The following KLHL6 variants were observed in gnomAD, a reference collection of about 807,000 sequenced individuals.
The protein encoded by KLHL6 is kelch like family member 6, also known as kelch-like protein 6.
A neutral mutation model predicts 58.6 loss-of-function variants in KLHL6; 41 were observed. That is an observed-to-expected ratio of 0.70 (90% CI 0.55 to 0.91). The LOEUF (loss-of-function observed/expected upper bound fraction) is 0.91. Among genes scored for constraint, KLHL6 ranks in the 40% least tolerant of loss-of-function variants. The pLI is 0.00. For synonymous variants in KLHL6, 338 were observed against 322.7 expected (o/e 1.05, Z -0.51); for missense variants, 714 against 805.6 (o/e 0.89, Z 1.38).
At chr3:183,497,958 G>A (rs775766203) in intron 4 of KLHL6, among the ~76,000 whole-genome samples, 35 of 152,240 alleles carry the variant, frequency 2.3e-4, no homozygotes, top group Non-Finnish European at 4.6e-4. Flanking sequence ...AATTAAGGCC[G>A]GGCGCAGTGG....
intron 2 of KLHL6, among the ~76,000 whole-genome samples, chr3:183,509,735 C>T (rs1718124303): frequency 6.6e-6 from 1 of 152,120 alleles, no homozygotes; most frequent in African/African-American, 2.4e-5. Flanking sequence ...ATGCTATATC[C>T]ATTTACACAA....
intron 2 of KLHL6, among the ~76,000 whole-genome samples, chr3:183,513,240 A>G (rs140183358): frequency 7.7e-4 from 118 of 152,360 alleles, no homozygotes; most frequent in African/African-American, 2.6e-3. Context: ...GAGTTACTCA[A>G]TCCTCACCAC....
intron 1 of KLHL6, among the ~76,000 whole-genome samples, chr3:183,529,172 A>G (rs1712077045): frequency 6.6e-6 from 1 of 152,214 alleles, no homozygotes; most frequent in Non-Finnish European, 1.5e-5. Context: ...GAAGAGGGAG[A>G]GGATCAGGAA....
intron 2 of KLHL6, among the ~76,000 whole-genome samples, chr3:183,513,092 A>G (rs1718234761): frequency 6.6e-6 from 1 of 152,212 alleles, no homozygotes; most frequent in Non-Finnish European, 1.5e-5. Flanking sequence ...TACTATACTG[A>G]GCATGAACAT....
At chr3:183,515,954 G>C (rs955757480) in intron 2 of KLHL6, among the ~76,000 whole-genome samples, 4 of 152,152 alleles carry the variant, frequency 2.6e-5, no homozygotes, top group Admixed American at 2.0e-4. Flanking sequence ...TATTTAACAG[G>C]TAAAAAAGGG....
intron 3 of KLHL6, among the ~76,000 whole-genome samples, chr3:183,501,188 G>A (rs1405827602): frequency 1.3e-5 from 2 of 152,330 alleles, no homozygotes; most frequent in East Asian, 3.9e-4. Context: ...ACAGTGCCGG[G>A]ATAAGGGTGA....
intron 1 of KLHL6, among the ~76,000 whole-genome samples, chr3:183,546,351 A>G (rs1429896625): frequency 2.6e-5 from 4 of 152,230 alleles, no homozygotes; most frequent in African/African-American, 9.6e-5. Context: ...AGCCGTTGAT[A>G]TCAACAAGCC....
rs1717795240 is a variant in KLHL6, at chr3:183,499,118, C to T, written c.1147+472G>A. Among the ~76,000 whole-genome samples the T allele has an allele frequency of 6.6e-6, 1 of 152,130 alleles. No homozygotes were observed. Among genetic ancestry groups the T allele is most frequent in the Non-Finnish European group, 1.5e-5 (1 of 68,022 alleles). The stretch of plus-strand genomic sequence containing the variant: ...GCACTTTGGGAGGCCGAAGCTGGTG[C>T]ATCACCTATGGTCAGGAGTTCAAGA... On this transcript the variant is annotated intron_variant, in intron 4 of 6. Coordinates refer to ENST00000341319, the MANE Select transcript of KLHL6 (RefSeq NM_130446.4). This position sits in a 1 kb window ranked among gnomAD's most constrained non-coding sequence, Gnocchi z 4.6.
In KLHL6 at chr3:183,535,209, C is replaced by T. The variant is rs555427854; in HGVS notation, c.294-7199G>A. 2.5e-4 allele frequency among the ~76,000 whole-genome samples: 38 copies of T among 152,294 alleles called. No individual in the cohort carries two copies. The South Asian group carries it at 4.1e-3, about 17-fold the overall frequency. ...CTGCCCGCCTCAGCCTCCCAAAGTG[C>T]TGGGATTACAGGCGTGAGCCAACGT... On this transcript the variant is annotated intron_variant, in intron 1 of 6. Transcript: ENST00000341319.
chr3:183,519,040 C>CG (rs1238486408), intron 2 of KLHL6, among the ~76,000 whole-genome samples: 2 of 152,166 alleles, frequency 1.3e-5, no homozygotes, highest in Non-Finnish European at 2.9e-5. Context: ...GTGCCTTGAT[C>CG]GCCGAGCTGA....
chr3:183,526,600 T>C (rs891520951), intron 2 of KLHL6, among the ~76,000 whole-genome samples: 2 of 152,178 alleles, frequency 1.3e-5, no homozygotes, highest in Non-Finnish European at 2.9e-5. Context: ...AAAAGATATT[T>C]AGGATTTTTT....
At position 183,499,196 on chromosome 3, in the gene KLHL6, G is replaced by A. The variant is rs147090536; in HGVS notation, c.1147+394C>T. Among the ~76,000 whole-genome samples the A allele has an allele frequency of 0.012, 1,797 of 152,154 alleles. 33 individuals carry two copies. Among genetic ancestry groups the A allele is most frequent in the African/African-American group, 0.041 (1,711 of 41,524 alleles). ...GTCTCTACTAAAAGTACAAAAATTA[G>A]CTGGGCATGGTGGCAGGCACCTGAT... On this transcript the variant is annotated intron_variant, in intron 4 of 6. Transcript: ENST00000341319. This position sits in a 1 kb window ranked among gnomAD's most constrained non-coding sequence, Gnocchi z 4.6.
chr3:183,532,303 A>C (rs1712188692), intron 1 of KLHL6, among the ~76,000 whole-genome samples: 1 of 152,210 alleles, frequency 6.6e-6, no homozygotes, highest in South Asian at 2.1e-4. Context: ...CCAGGAAGGG[A>C]GCCCTCACCA....
At chr3:183,535,848 T>C (rs1313090524) in intron 1 of KLHL6, among the ~76,000 whole-genome samples, 1 of 152,194 alleles carries the variant, frequency 6.6e-6, no homozygotes, top group Admixed American at 6.5e-5. Flanking sequence ...CAATCTCTGC[T>C]CACTGCAAGC....
At chr3:183,494,017 CT>C in intron 5 of KLHL6, 61 bp downstream of exon 5, 1 of 1,486,440 alleles carries the variant, frequency 6.7e-7, no homozygotes, top group East Asian at 2.3e-5. Flanking sequence ...CGTTCCAAAG[CT>C]TTTTAAAAAA....
chr3:183,500,872 T>C (rs1230407612), intron 3 of KLHL6, among the ~76,000 whole-genome samples: 2 of 152,290 alleles, frequency 1.3e-5, no homozygotes, highest in South Asian at 2.1e-4. Flanking sequence ...ATTCTGCCCA[T>C]AGGTGGTAAC....
At position 183,499,709 on chromosome 3, in the gene KLHL6, A is replaced by AT; in HGVS notation, c.1027_1028insA (p.Leu343HisfsTer17). The AT allele has an allele frequency of 6.2e-7, 1 of 1,611,108 alleles. No homozygotes were observed. The highest frequency in any genetic ancestry group is 8.5e-7 in the Non-Finnish European group (1 of 1,178,822). On this transcript the variant is annotated frameshift_variant, in exon 4 of 7. Transcript: ENST00000341319. LOFTEE classifies it high-confidence loss of function. This position sits in a 1 kb window ranked among gnomAD's most constrained non-coding sequence, Gnocchi z 4.6. ...GGCCACCTCCAGGCGGCTGCGCCTC[A>AT]GGGGGTCCAGGCAGGTCACCTCTGC...
At position 183,492,968 on chromosome 3, in the gene KLHL6, G is replaced by T. The variant is rs1717616391; in HGVS notation, c.1351-261C>A. 2 of 474,600 alleles carry T rather than the reference G, an allele frequency of 4.2e-6. No individual in the cohort carries two copies. Among genetic ancestry groups the T allele is most frequent in the South Asian group, 4.6e-5 (2 of 43,016 alleles). 29.4% of individuals were successfully genotyped at this position (474,600 alleles called of 1,614,324 possible). On this transcript the variant is annotated intron_variant, in intron 5 of 6. Coordinates refer to ENST00000341319, the MANE Select transcript of KLHL6 (RefSeq NM_130446.4). This position sits in a 1 kb window ranked among gnomAD's most constrained non-coding sequence, Gnocchi z 5.9. ...GCCTCTCCCGGAATCCAGCTCTCAG[G>T]CAAGAATAAGTTTATACAGATGAAG...
rs1367673441 is a variant in KLHL6 at position 183,531,441 on chromosome 3, G to GTATTTTTTTTTTTTTTTTTT, written c.294-3432_294-3431insAAAAAAAAAAAAAAAAAATA. ...CCTTCTTTCTGTTCTTTTTTTGTCT[G>GTATTTTTTTTTTTTTTTTTT]TGTTTTTTTTTTTTTTTTTTTTTTT... On this transcript the variant is annotated intron_variant, in intron 1 of 6. Coordinates refer to ENST00000341319, the MANE Select transcript of KLHL6 (RefSeq NM_130446.4). Among the ~76,000 whole-genome samples, 10 of 102,100 alleles carry GTATTTTTTTTTTTTTTTTTT rather than the reference G, an allele frequency of 9.8e-5. 4 individuals carry two copies. The highest frequency in any genetic ancestry group is 1.1e-4 in the Non-Finnish European group (5 of 45,836). The allele number at this position is 102,100 out of a possible 152,430, so 67.0% of individuals were successfully genotyped here.
Sources: allele counts gnomAD v4.1 joint callset (sites outside exome capture counted in the v4.1 genomes callset), GRCh38; gene constraint gnomAD v4.1.1; non-coding constraint Gnocchi (gnomAD v3.1); transcripts MANE v1.5; gene names NCBI Gene and HGNC (gene_info 2026-07-23, HGNC 2026-07-21).